ERFL: variants seen among roughly 807,000 people sequenced by gnomAD.
ERFL encodes the protein ETS domain-containing transcription factor ERF-like.
Under a neutral mutation model 27.9 loss-of-function variants are expected in ERFL, and 8 were observed. The observed-to-expected ratio is 0.29, with a 90% CI of 0.17 to 0.52. The LOEUF is 0.52. Among genes scored for constraint, ERFL ranks in the 20% least tolerant of loss-of-function variants. The probability of loss-of-function intolerance (pLI) is 0.97; values close to 1 mark genes in which losing one functional copy is unlikely to be tolerated. For synonymous variants in ERFL, 174 were observed against 202.8 expected, an observed-to-expected ratio of 0.86 and a Z score of 1.21; for missense variants, 294 against 444.4, an observed-to-expected ratio of 0.66 and a Z score of 3.04.
At chr19:41,913,514 G>C (rs898045425) in intron 1 of ERFL, among the ~76,000 whole-genome samples, 31 of 151,400 alleles carry the variant, frequency 2.0e-4, no homozygotes, top group Admixed American at 5.3e-4. Flanking sequence ...ACGGGCTGCA[G>C]GGGGGCAGGC....
At chr19:41,911,911 G>A (rs1048326288) in intron 2 of ERFL, among the ~76,000 whole-genome samples, 2 of 151,638 alleles carry the variant, frequency 1.3e-5, no homozygotes, top group Non-Finnish European at 2.9e-5. Context: ...ATTCACTCAT[G>A]TGCACATGGA....
chr19:41,920,294 C>T (rs561574525), intron 1 of ERFL, among the ~76,000 whole-genome samples: 87 of 135,658 alleles, frequency 6.4e-4, no homozygotes, highest in African/African-American at 2.2e-3. Flanking sequence ...CGCTCACAGA[C>T]ATGCGCTCAC....
chr19:41,916,021 C>A lies in ERFL; in HGVS notation c.-13-3089G>T, dbSNP rs185277921. On this transcript the variant is annotated intron_variant, in intron 1 of 5. Coordinates refer to ENST00000597630, the MANE Select transcript of ERFL (RefSeq NM_001365103.2). The surrounding 1 kb of genome is among the most constrained non-coding windows in gnomAD (Gnocchi z 5.4). ...ATTTTATTTTGCTTCCTCCACCCCCCCTTCGCCCCCCATCTCTACCGCCCG... is the reference window on the plus strand; with the variant it reads ...ATTTTATTTTGCTTCCTCCACCCCCACTTCGCCCCCCATCTCTACCGCCCG... Among the ~76,000 whole-genome samples, 522 of 152,156 alleles carry A rather than the reference C, an allele frequency of 3.4e-3. 4 individuals carry two copies. Among genetic ancestry groups the A allele is most frequent in the African/African-American group, 9.5e-3 (395 of 41,476 alleles).
chr19:41,926,047 A>G (rs988416389), intron 1 of ERFL, among the ~76,000 whole-genome samples: 2 of 151,940 alleles, frequency 1.3e-5, no homozygotes, highest in Admixed American at 6.6e-5. Context: ...AAGAAATACG[A>G]ATGTGTGAGG....
rs2074882700 is a variant in ERFL, at chr19:41,928,074, A to G, written c.-48T>C. On this transcript the variant is annotated 5_prime_UTR_variant, in exon 1 of 6. Transcript: ENST00000597630. ...TTTTCGCATCCGCTCCGGTCCGGGGAGAAGTGTTTAAAGTTCGGATCCCGC... is the reference window on the plus strand; with the variant it reads ...TTTTCGCATCCGCTCCGGTCCGGGGGGAAGTGTTTAAAGTTCGGATCCCGC... 1 of 151,742 alleles carries G rather than the reference A, an allele frequency of 6.6e-6. No homozygotes were observed. The highest frequency in any genetic ancestry group is 6.6e-5 in the Admixed American group (1 of 15,258). 9.4% of individuals were successfully genotyped at this position (151,742 alleles called of 1,614,324 possible). A position where few individuals can be genotyped will look rare whatever the true frequency, so the allele number is the denominator to read the frequency against.
chr19:41,926,936 C>A (rs1555853325), intron 1 of ERFL, among the ~76,000 whole-genome samples: 2 of 150,592 alleles, frequency 1.3e-5, no homozygotes, highest in Non-Finnish European at 3.0e-5. Flanking sequence ...CAGTAAGAGA[C>A]AGAAAGAGGC....
chr19:41,908,023 C>T lies in ERFL; in HGVS notation c.*205G>A. On this transcript the variant is annotated 3_prime_UTR_variant, in exon 6 of 6. Transcript: ENST00000597630. The surrounding 1 kb of genome is among the most constrained non-coding windows in gnomAD (Gnocchi z 6.7). ...TCAAACTGGAGCCTGGGGAGGAGGC[C>T]GGAGGCCATCACATTCCCTCTGTCC... 2.3e-6 allele frequency: 1 copy of T among 426,292 alleles called. No homozygotes were observed. Among genetic ancestry groups the T allele is most frequent in the Non-Finnish European group, 4.0e-6 (1 of 252,612 alleles). The allele number at this position is 426,292 out of a possible 1,614,324, so 26.4% of individuals were successfully genotyped here. A position where few individuals can be genotyped will look rare whatever the true frequency, so the allele number is the denominator to read the frequency against.
rs1555851093 is a variant in ERFL at position 41,909,610 on chromosome 19, T to C, written c.303-139A>G. On this transcript the variant is annotated intron_variant, in intron 3 of 5. Transcript: ENST00000597630. The surrounding 1 kb of genome is among the most constrained non-coding windows in gnomAD (Gnocchi z 5.2). ...GGAAACTGAGGCTCACAGAAGTCCC[T>C]TAATAGGGATCACAGGGCAAGGAAG... is the stretch of plus-strand genomic sequence containing the variant. 1 of 856,382 alleles carries C rather than the reference T, an allele frequency of 1.2e-6. No individual in the cohort carries two copies. The highest frequency in any genetic ancestry group is 1.7e-6 in the Non-Finnish European group (1 of 582,866). 53.0% of individuals were successfully genotyped at this position (856,382 alleles called of 1,614,324 possible).
chr19:41,919,076 ACAT>A (rs782020286), intron 1 of ERFL, among the ~76,000 whole-genome samples: 4 of 150,950 alleles, frequency 2.6e-5, no homozygotes, highest in Non-Finnish European at 5.9e-5. Context: ...ACACCCACAC[ACAT>A]TACACCACAC....
In ERFL at chr19:41,921,900, C is replaced by T. The variant is rs2074844384; in HGVS notation, c.-14+6140G>A. Among the ~76,000 whole-genome samples, 1 of 151,720 alleles carries T rather than the reference C, an allele frequency of 6.6e-6. No homozygotes were observed. Among genetic ancestry groups the T allele is most frequent in the African/African-American group, 2.4e-5 (1 of 41,220 alleles). On this transcript the variant is annotated intron_variant, in intron 1 of 5. Coordinates refer to ENST00000597630, the MANE Select transcript of ERFL (RefSeq NM_001365103.2). The surrounding 1 kb of genome is among the most constrained non-coding windows in gnomAD (Gnocchi z 4.4). Reference sequence around the variant, plus strand: ...TACCCCTCCTCCTCCTCATCTCCACCAGGCCCCACCCCACCCAGACCCCAG... The same window carrying T: ...TACCCCTCCTCCTCCTCATCTCCACTAGGCCCCACCCCACCCAGACCCCAG...
chr19:41,915,794 G>A (rs927151935), intron 1 of ERFL, among the ~76,000 whole-genome samples: 31 of 152,198 alleles, frequency 2.0e-4, no homozygotes, highest in East Asian at 1.2e-3. Flanking sequence ...CCCATTGATC[G>A]CTGATCGACT....
At chr19:41,923,349 G>C (rs1555852842) in intron 1 of ERFL, 3 of 355,294 alleles carry the variant, frequency 8.4e-6, no homozygotes, top group Non-Finnish European at 1.7e-5. Context: ...CCAGGATATG[G>C]AGAAACTGAG....
In ERFL at chr19:41,921,619, C is replaced by T. The variant is rs964361779; in HGVS notation, c.-14+6421G>A. ...CTGGAGGTCACGGGAGAGCGAGGGC[C>T]GCACCGGAGACCCTGGGTTGGGAGG... On this transcript the variant is annotated intron_variant, in intron 1 of 5. Coordinates refer to ENST00000597630, the MANE Select transcript of ERFL (RefSeq NM_001365103.2). This position sits in a 1 kb window ranked among gnomAD's most constrained non-coding sequence, Gnocchi z 4.4. 7.2e-5 allele frequency among the ~76,000 whole-genome samples: 11 copies of T among 151,946 alleles called. No homozygotes were observed. The South Asian group carries it at 1.2e-3, about 17-fold the overall frequency.
chr19:41,918,332 C>T (rs139045563), intron 1 of ERFL, among the ~76,000 whole-genome samples: 13 of 150,510 alleles, frequency 8.6e-5, no homozygotes, highest in Admixed American at 2.0e-4. Flanking sequence ...TACACACACA[C>T]GGTACACACC....
At chr19:41,926,702 G>A (rs1380572132) in intron 1 of ERFL, among the ~76,000 whole-genome samples, 1 of 150,670 alleles carries the variant, frequency 6.6e-6, no homozygotes, top group Admixed American at 6.6e-5. Context: ...CTGGGCCGCG[G>A]CGGCCGGCCG....
In ERFL at chr19:41,909,472, CTG is replaced by C. The variant is rs2074740661; in HGVS notation, c.303-3_303-2del. The C allele has an allele frequency of 1.6e-6, 2 of 1,246,064 alleles. No individual in the cohort carries two copies. The highest frequency in any genetic ancestry group is 3.9e-5 in the South Asian group (1 of 25,922). 77.2% of individuals were successfully genotyped at this position (1,246,064 alleles called of 1,614,324 possible). A position where few individuals can be genotyped will look rare whatever the true frequency, so the allele number is the denominator to read the frequency against. On this transcript the variant is annotated splice_acceptor_variant and splice_polypyrimidine_tract_variant and intron_variant, in intron 3 of 5. Coordinates refer to ENST00000597630, the MANE Select transcript of ERFL (RefSeq NM_001365103.2). LOFTEE classifies it high-confidence loss of function. The surrounding 1 kb of genome is among the most constrained non-coding windows in gnomAD (Gnocchi z 5.2). ...GAGAATCCGCTTGTTGTAGTAGTAACTGTGGGGAGAGTGGTGGTGTTGGGGAG... is the reference window on the plus strand; with the variant it reads ...GAGAATCCGCTTGTTGTAGTAGTAACTGGGGAGAGTGGTGGTGTTGGGGAG...
At position 41,909,719 on chromosome 19, in the gene ERFL, C is replaced by T; in HGVS notation, c.302+144G>A. 1 of 1,017,402 alleles carries T rather than the reference C, an allele frequency of 9.8e-7. No homozygotes were observed. The highest frequency in any genetic ancestry group is 1.4e-6 in the Non-Finnish European group (1 of 716,920). 63.0% of individuals were successfully genotyped at this position (1,017,402 alleles called of 1,614,324 possible). On this transcript the variant is annotated intron_variant, in intron 3 of 5. Coordinates refer to ENST00000597630, the MANE Select transcript of ERFL (RefSeq NM_001365103.2). The surrounding 1 kb of genome is among the most constrained non-coding windows in gnomAD (Gnocchi z 5.2). The stretch of plus-strand genomic sequence containing the variant: ...CCCTCCTCCTCGCCTCCCTTCCACT[C>T]ACAAGTAGCGATGGTGGCTACTCAC...
In ERFL at chr19:41,917,128, CT is replaced by C. The variant is rs1435036054; in HGVS notation, c.-13-4197del. On this transcript the variant is annotated intron_variant, in intron 1 of 5. Coordinates refer to ENST00000597630, the MANE Select transcript of ERFL (RefSeq NM_001365103.2). The surrounding 1 kb of genome is among the most constrained non-coding windows in gnomAD (Gnocchi z 4.8). ...TCAGCCCCTTCGGGTGTCGGCGCATCTTTCTGTCTGTCTCTGTCACTGAGGG... is the reference window on the plus strand; with the variant it reads ...TCAGCCCCTTCGGGTGTCGGCGCATCTTCTGTCTGTCTCTGTCACTGAGGG... Among the ~76,000 whole-genome samples the C allele has an allele frequency of 6.6e-6, 1 of 152,168 alleles. No individual in the cohort carries two copies. The highest frequency in any genetic ancestry group is 1.5e-5 in the Non-Finnish European group (1 of 68,036).
chr19:41,908,362 G>C lies in ERFL; in HGVS notation c.931C>G (p.Leu311Val). 2 of 1,231,436 alleles carry C rather than the reference G, an allele frequency of 1.6e-6. No homozygotes were observed. Among genetic ancestry groups the C allele is most frequent in the Non-Finnish European group, 2.0e-6 (2 of 987,762 alleles). The allele number at this position is 1,231,436 out of a possible 1,614,324, so 76.3% of individuals were successfully genotyped here. A position where few individuals can be genotyped will look rare whatever the true frequency, so the allele number is the denominator to read the frequency against. Residue 311 changes from leucine (L) to valine (V), a missense_variant, in exon 6 of 6, where the codon CTT becomes GTT. Physicochemically the swap from Leu to Val is conservative, Grantham distance 32. Around this residue, in one of 3 missense-constraint regions of ERFL, gnomAD observed 246 missense variants for 371.4 expected, o/e 0.66. Coordinates refer to ENST00000597630, the MANE Select transcript of ERFL (RefSeq NM_001365103.2). The surrounding 1 kb of genome is among the most constrained non-coding windows in gnomAD (Gnocchi z 6.7). ...LPGAGGPEAA[L>V]GGKEDSDSEL... ...GAGTCGCTGTCCTCCTTCCCACCAA[G>C]GGCAGCCTCTGGACCCCCAGCCCCT...
Sources: gnomAD v4.1 joint callset for allele counts (sites outside exome capture counted in the v4.1 genomes callset) on GRCh38, gnomAD v4.1.1 for gene constraint, gnomAD v4.1.1 regional missense constraint, Gnocchi (gnomAD v3.1) non-coding constraint, MANE v1.5 for transcripts, NCBI Gene and HGNC (gene_info 2026-07-23, HGNC 2026-07-21) for gene names.